The following ZNF548 variants were observed in gnomAD, a reference collection of about 807,000 sequenced individuals.
ZNF548 encodes the protein zinc finger protein 548.
ZNF548 carries 10 observed loss-of-function variants against 10.2 expected under a neutral mutation model. That is an observed-to-expected ratio of 0.98 (90% CI 0.60 to 1.66). The LOEUF (loss-of-function observed/expected upper bound fraction) is 1.66. Ranked by LOEUF, ZNF548 falls within the 40% of genes most tolerant of loss-of-function variation. The pLI is 0.00. For missense variants in ZNF548, 599 were observed against 657.0 expected (o/e 0.91, Z 0.97); for synonymous variants, 217 against 223.5 (o/e 0.97, Z 0.26).
At chr19:57,390,781 T>C (rs1259620185) in intron 1 of ZNF548, 1 of 152,236 alleles carries the variant, frequency 6.6e-6, no homozygotes, top group Non-Finnish European at 1.5e-5. Context: ...ACAGGTTGGA[T>C]TTTGGACATG....
chr19:57,390,037 C>G lies in ZNF548; in HGVS notation c.-63C>G. ...GACAAGCGCTGGGGACAGTGGCGTC[C>G]TTGTCTTGCCTTTGTCGCTCCCGCC... On this transcript the variant is annotated 5_prime_UTR_variant, in exon 1 of 4. Transcript: ENST00000336128. 1 of 1,592,478 alleles carries G rather than the reference C, an allele frequency of 6.3e-7. No homozygotes were observed. The highest frequency in any genetic ancestry group is 1.1e-5 in the South Asian group (1 of 89,138).
rs1167940951 is a variant in ZNF548, at chr19:57,400,451, G to C, written c.*562G>C. The C allele has an allele frequency of 6.7e-6, 1 of 148,368 alleles. No individual in the cohort carries two copies. Among genetic ancestry groups the C allele is most frequent in the African/African-American group, 2.5e-5 (1 of 40,018 alleles). 9.2% of individuals were successfully genotyped at this position (148,368 alleles called of 1,614,324 possible). On this transcript the variant is annotated 3_prime_UTR_variant, in exon 4 of 4. Transcript: ENST00000336128. ...CTATTTTTTTTTTTTGTTTGTTTTTGAGACAGAGTCTTGCTCTGTCACCCA... is the reference window on the plus strand; with the variant it reads ...CTATTTTTTTTTTTTGTTTGTTTTTCAGACAGAGTCTTGCTCTGTCACCCA...
At chr19:57,398,297 C>G (rs2088681607) in intron 3 of ZNF548, 133 bp from the exon 4 acceptor site, 1 of 1,509,366 alleles carries the variant, frequency 6.6e-7, no homozygotes, top group African/African-American at 1.4e-5. Context: ...ACCCTCCTCT[C>G]ACTGGCCTTA....
At chr19:57,396,938 A>T in intron 2 of ZNF548, 110 bp from the exon 3 acceptor site, 1 of 1,443,540 alleles carries the variant, frequency 6.9e-7, no homozygotes, top group Admixed American at 2.3e-5. Context: ...TTTGGCTGTT[A>T]GTTTGGCCCT....
intron 1 of ZNF548, among the ~76,000 whole-genome samples, chr19:57,392,193 C>T (rs1189675512): frequency 1.3e-5 from 2 of 152,218 alleles, no homozygotes; most frequent in East Asian, 1.9e-4. Flanking sequence ...GATATTAGTA[C>T]CCTGTCAGAT....
chr19:57,390,330 AG>A, intron 1 of ZNF548: 1 of 455,524 alleles, frequency 2.2e-6, no homozygotes, highest in East Asian at 3.3e-5. Context: ...TTGGGGCGTC[AG>A]GGGTGTGTGT....
At chr19:57,397,511 A>G (rs543905060) in intron 3 of ZNF548, among the ~76,000 whole-genome samples, 2 of 152,054 alleles carry the variant, frequency 1.3e-5, no homozygotes, top group African/African-American at 4.8e-5. Flanking sequence ...TCTCTCACTG[A>G]TATTTCTTGG....
In ZNF548 at chr19:57,399,001, C is replaced by T. The variant is rs760569948; in HGVS notation, c.750C>T (p.Ala250=). Residue 250 remains alanine (A), a synonymous_variant, in exon 4 of 4, where the codon GCC becomes GCT. Transcript: ENST00000336128. This position sits in a 1 kb window ranked among gnomAD's most constrained non-coding sequence, Gnocchi z 4.0. The part of the protein sequence containing the change: ...NKCGKFFKYS[A]NFMKHQTVHT... ...GTGGGAAATTCTTTAAGTACAGTGC[C>T]AATTTCATGAAACATCAGACAGTTC... The T allele has an allele frequency of 6.2e-7, 1 of 1,614,056 alleles. No individual in the cohort carries two copies. The highest frequency in any genetic ancestry group is 8.5e-7 in the Non-Finnish European group (1 of 1,179,944).
In ZNF548 at chr19:57,389,922, T is replaced by C; in HGVS notation, c.-178T>C. The C allele has an allele frequency of 1.4e-6, 1 of 697,590 alleles. No homozygotes were observed. The highest frequency in any genetic ancestry group is 2.3e-6 in the Non-Finnish European group (1 of 439,696). 43.2% of individuals were successfully genotyped at this position (697,590 alleles called of 1,614,324 possible). On this transcript the variant is annotated 5_prime_UTR_variant, in exon 1 of 4. The change abolishes an upstream ATG in the 5' untranslated region. Transcript: ENST00000336128. ...GTGGTGTTTCACCAACTTCGGCCTATGGCTCTGTCTGACGTCACCGAAGTG... is the reference window on the plus strand; with the variant it reads ...GTGGTGTTTCACCAACTTCGGCCTACGGCTCTGTCTGACGTCACCGAAGTG...
In ZNF548 at chr19:57,399,560, G is replaced by A. The variant is rs531592646; in HGVS notation, c.1309G>A (p.Glu437Lys). 5.1e-5 allele frequency: 83 copies of A among 1,614,158 alleles called. No individual in the cohort carries two copies. The highest frequency in any genetic ancestry group is 2.5e-4 in the Admixed American group (15 of 60,012). ...GGGAGAAAGGCCTTATGAGTGCAGCGAATGCGGGAAATTCTTTCGTTACAA... is the reference window on the plus strand; with the variant it reads ...GGGAGAAAGGCCTTATGAGTGCAGCAAATGCGGGAAATTCTTTCGTTACAA... ...HTGERPYECS[E>K]CGKFFRYNSN... Residue 437 changes from glutamate (E) to lysine (K), a missense_variant, in exon 4 of 4, where the codon GAA becomes AAA. Coordinates refer to ENST00000336128, the MANE Select transcript of ZNF548 (RefSeq NM_001172773.2). This position sits in a 1 kb window ranked among gnomAD's most constrained non-coding sequence, Gnocchi z 4.0.
In ZNF548 at chr19:57,399,603, A is replaced by C. The variant is rs909285894; in HGVS notation, c.1352A>C (p.His451Pro). The stretch of plus-strand genomic sequence containing the variant: ...CGTTACAACTCCAACCTCATTAAAC[A>C]TTGGAGAAATCACACTGGAGAAAGG... The part of the protein sequence containing the change: ...FFRYNSNLIK[H>P]WRNHTGERPY... The change falls in exon 4 of 4, where the codon CAT (histidine) becomes CCT (proline). Residue 451 changes from histidine (H) to proline (P), a missense_variant. Transcript: ENST00000336128. This position sits in a 1 kb window ranked among gnomAD's most constrained non-coding sequence, Gnocchi z 4.0. 2 of 1,614,202 alleles carry C rather than the reference A, an allele frequency of 1.2e-6. No individual in the cohort carries two copies. Among genetic ancestry groups the C allele is most frequent in the Non-Finnish European group, 8.5e-7 (1 of 1,180,018 alleles).
intron 3 of ZNF548, among the ~76,000 whole-genome samples, chr19:57,397,707 G>A (rs1284013467): frequency 2.0e-5 from 3 of 152,080 alleles, no homozygotes; most frequent in African/African-American, 7.2e-5. Context: ...CCCTAGAGAG[G>A]GCCCCAGGCA....
intron 2 of ZNF548, among the ~76,000 whole-genome samples, chr19:57,396,082 G>GAA (rs999111776): frequency 3.3e-5 from 5 of 152,212 alleles, no homozygotes; most frequent in Non-Finnish European, 5.9e-5. Context: ...GGAGGTGAAG[G>GAA]AAATGCCTGT....
At chr19:57,391,798 T>TG (rs1003056856) in intron 1 of ZNF548, among the ~76,000 whole-genome samples, 2 of 145,264 alleles carry the variant, frequency 1.4e-5, no homozygotes, top group Admixed American at 1.4e-4. Flanking sequence ...TGTTTTTTTT[T>TG]TTTTTTTTTT....
intron 1 of ZNF548, chr19:57,393,931 A>G: frequency 1.7e-6 from 1 of 580,346 alleles, no homozygotes; most frequent in Non-Finnish European, 3.0e-6. Context: ...AGTACATGCT[A>G]CTGATGTTTG....
At chr19:57,396,452 G>C (rs1390409173) in intron 2 of ZNF548, among the ~76,000 whole-genome samples, 1 of 152,338 alleles carries the variant, frequency 6.6e-6, no homozygotes, top group African/African-American at 2.4e-5. Flanking sequence ...TTCCACATTG[G>C]GAGGGTGTGG....
chr19:57,390,136 C>G, intron 1 of ZNF548, 22 bp downstream of exon 1: 1 of 1,605,566 alleles, frequency 6.2e-7, no homozygotes. Flanking sequence ...GTCCCAGGCT[C>G]CCCCGCCCGA....
intron 1 of ZNF548, among the ~76,000 whole-genome samples, chr19:57,393,710 GGGGGAGGGCA>G (rs1430098366): frequency 1.1e-5 from 1 of 87,520 alleles, no homozygotes; most frequent in Non-Finnish European, 2.6e-5. Flanking sequence ...AGGAGGGGAG[GGGGGAGGGCA>G]GGGGAGGGGA....
At chr19:57,390,838 A>G (rs2088618526) in intron 1 of ZNF548, 1 of 152,272 alleles carries the variant, frequency 6.6e-6, no homozygotes, top group Admixed American at 6.5e-5. Flanking sequence ...AGACAGGTGG[A>G]CATAAAGGTG....
Sources: allele counts gnomAD v4.1 joint callset (sites outside exome capture counted in the v4.1 genomes callset), GRCh38; gene constraint gnomAD v4.1.1; non-coding constraint Gnocchi (gnomAD v3.1); transcripts MANE v1.5; gene names NCBI Gene and HGNC (gene_info 2026-07-23, HGNC 2026-07-21).